ZPBP: variants seen among roughly 807,000 people sequenced by gnomAD.
The protein encoded by ZPBP is zona pellucida binding protein.
ZPBP carries 26 observed loss-of-function variants against 44.8 expected under a neutral mutation model. The ratio of observed to expected loss-of-function variants is 0.58; its 90% CI spans 0.43 to 0.81. The LOEUF (loss-of-function observed/expected upper bound fraction) is 0.81. ZPBP is among the 30% of genes least tolerant of loss of function. The pLI is 0.00. For synonymous variants in ZPBP, 174 were observed against 153.2 expected, an observed-to-expected ratio of 1.14 and a Z score of -1.00; for missense variants, 409 against 434.0, an observed-to-expected ratio of 0.94 and a Z score of 0.51.
intron 1 of ZPBP, among the ~76,000 whole-genome samples, chr7:49,928,864 A>G (rs1301736558): frequency 6.6e-6 from 1 of 152,210 alleles, no homozygotes; most frequent in African/African-American, 2.4e-5. Flanking sequence ...CACAAATCCA[A>G]AAGCTGTTTC....
Position 50,031,381 on chromosome 7 carries a change from A to C in ZPBP, c.488-71T>G, listed in dbSNP as rs112512386. Reference sequence around the variant, plus strand: ...TAATTCAAACATATTGCAACTATTTAAGAAATATCATTATTTGGTATGAAT... The same window carrying C: ...TAATTCAAACATATTGCAACTATTTCAGAAATATCATTATTTGGTATGAAT... On this transcript the variant is annotated intron_variant, in intron 4 of 7. Transcript: ENST00000046087. The C allele has an allele frequency of 4.5e-4, 501 of 1,105,322 alleles. 4 individuals carry two copies. The African/African-American group carries it at 6.5e-3, about 14-fold the overall frequency. 68.5% of individuals were successfully genotyped at this position (1,105,322 alleles called of 1,614,324 possible).
In ZPBP at chr7:50,026,032, A is replaced by G. The variant is rs1799309915; in HGVS notation, c.706+5060T>C. On this transcript the variant is annotated intron_variant, in intron 5 of 7. Coordinates refer to ENST00000046087, the MANE Select transcript of ZPBP (RefSeq NM_007009.3). The stretch of plus-strand genomic sequence containing the variant: ...ATAGGTTAAAAGTAAAGGGATGAAA[A>G]AAGATATTTTGTGCAAATAGTCATC... Among the ~76,000 whole-genome samples the G allele has an allele frequency of 2.6e-5, 4 of 151,996 alleles. 1 individual carries two copies. The South Asian group carries it at 8.3e-4, about 32-fold the overall frequency.
At chr7:49,938,661 G>A (rs1794718847) in intron 7 of ZPBP, among the ~76,000 whole-genome samples, 1 of 152,192 alleles carries the variant, frequency 6.6e-6, no homozygotes, top group Admixed American at 6.5e-5. Context: ...TGGCTATCAG[G>A]TGGTGCCATC....
intron 7 of ZPBP, among the ~76,000 whole-genome samples, chr7:49,950,307 C>G (rs188047396): frequency 4.9e-4 from 74 of 151,898 alleles, no homozygotes; most frequent in Admixed American, 1.2e-3. Flanking sequence ...TGGATAGATT[C>G]TCAGTCTTGA....
chr7:50,006,338 A>G (rs1798311430), intron 6 of ZPBP, among the ~76,000 whole-genome samples: 1 of 152,072 alleles, frequency 6.6e-6, no homozygotes, highest in Non-Finnish European at 1.5e-5. Flanking sequence ...GTGCACATGG[A>G]ACATTCTCCA....
At chr7:49,885,709 G>A (rs1477110314) in intron 2 of ZPBP, among the ~76,000 whole-genome samples, 1 of 152,240 alleles carries the variant, frequency 6.6e-6, no homozygotes, top group African/African-American at 2.4e-5. Flanking sequence ...AGATACAAGA[G>A]TCTACGAGGG....
At chr7:49,842,879 T>A in the ZPBP span, among the ~76,000 whole-genome samples, 3 of 152,164 alleles carry the variant, frequency 2.0e-5, no homozygotes, top group African/African-American at 7.2e-5. Flanking sequence ...ATATTATTCA[T>A]CTCCCGTTTC....
At chr7:49,964,134 A>G (rs1795968122) in intron 7 of ZPBP, among the ~76,000 whole-genome samples, 1 of 151,922 alleles carries the variant, frequency 6.6e-6, no homozygotes, top group South Asian at 2.1e-4. Context: ...AAGAATAAGT[A>G]GGAATTTCTT....
chr7:49,893,264 A>G (rs1256056294), intron 2 of ZPBP, among the ~76,000 whole-genome samples: 1 of 152,188 alleles, frequency 6.6e-6, no homozygotes, highest in Non-Finnish European at 1.5e-5. Context: ...CGAATCTAGA[A>G]TACGGCATGT....
At chr7:50,011,734 A>C (rs1292469492) in intron 6 of ZPBP, among the ~76,000 whole-genome samples, 3 of 150,300 alleles carry the variant, frequency 2.0e-5, no homozygotes, top group Non-Finnish European at 4.4e-5. Flanking sequence ...TAAGCAACCC[A>C]CTACTAAATA....
intron 2 of ZPBP, among the ~76,000 whole-genome samples, chr7:50,082,124 T>C (rs1802394809): frequency 6.6e-6 from 1 of 151,928 alleles, no homozygotes; most frequent in Non-Finnish European, 1.5e-5. Context: ...TGTGTGTACA[T>C]GTATCCCCAA....
chr7:49,979,858 A>AAAATAT (rs1324313324), intron 7 of ZPBP, among the ~76,000 whole-genome samples: 222 of 5,862 alleles, frequency 0.038, 1 homozygote, highest in African/African-American at 0.13. Flanking sequence ...AAATATATAT[A>AAAATAT]ATATAATATA....
intron 3 of ZPBP, among the ~76,000 whole-genome samples, chr7:50,075,585 T>G (rs999563332): frequency 3.3e-5 from 5 of 151,906 alleles, no homozygotes; most frequent in African/African-American, 1.2e-4. Flanking sequence ...TGACTGATAC[T>G]GCAGAAATTC....
chr7:49,975,986 C>T (rs1323035273), intron 7 of ZPBP, among the ~76,000 whole-genome samples: 2 of 152,186 alleles, frequency 1.3e-5, no homozygotes, highest in Non-Finnish European at 2.9e-5. Flanking sequence ...TTGTTATATA[C>T]ATATTATTTT....
At chr7:49,892,075 C>T (rs910701365) in intron 2 of ZPBP, among the ~76,000 whole-genome samples, 4 of 115,932 alleles carry the variant, frequency 3.5e-5, no homozygotes, top group South Asian at 3.0e-4. Context: ...GACGGAGTCT[C>T]GCTCTGTGGC....
chr7:49,986,397 C>T (rs1797281798), intron 6 of ZPBP, among the ~76,000 whole-genome samples: 1 of 152,206 alleles, frequency 6.6e-6, no homozygotes, highest in South Asian at 2.1e-4. Flanking sequence ...CCCATTCCCC[C>T]TTCCCTCCCA....
chr7:49,898,686 A>G (rs1346658388), intron 2 of ZPBP, among the ~76,000 whole-genome samples: 1 of 152,130 alleles, frequency 6.6e-6, no homozygotes, highest in Non-Finnish European at 1.5e-5. Context: ...AATGAATGAC[A>G]GCAGTAGGAC....
At position 50,063,503 on chromosome 7, in the gene ZPBP, T is replaced by A. The variant is rs147931856; in HGVS notation, c.335-5362A>T. 4.5e-3 allele frequency among the ~76,000 whole-genome samples: 690 copies of A among 152,242 alleles called. 2 individuals are homozygous for A. Among genetic ancestry groups the A allele is most frequent in the African/African-American group, 0.016 (670 of 41,542 alleles). On this transcript the variant is annotated intron_variant, in intron 3 of 7. Transcript: ENST00000046087. The stretch of plus-strand genomic sequence containing the variant: ...TCTATAGTTGACTGAATACTCCTAA[T>A]AAACAGAGGTAAAAGGCAAGGGAGG...
intron 2 of ZPBP, among the ~76,000 whole-genome samples, chr7:49,876,649 G>GT (rs1791425696): frequency 6.6e-6 from 1 of 152,086 alleles, no homozygotes; most frequent in African/African-American, 2.4e-5. Context: ...TTGCCTTGTT[G>GT]TTTTTTAGAA....
Sources: allele counts gnomAD v4.1 joint callset (sites outside exome capture counted in the v4.1 genomes callset), GRCh38; gene constraint gnomAD v4.1.1; transcripts MANE v1.5; gene names NCBI Gene and HGNC (gene_info 2026-07-23, HGNC 2026-07-21).